Variants in PLCG1 observed in about 807,000 individuals in gnomAD.
The protein encoded by PLCG1 is phospholipase C gamma 1.
Under a neutral mutation model 177.8 loss-of-function variants are expected in PLCG1, and 71 were observed. That is an observed-to-expected ratio of 0.40 (90% CI 0.33 to 0.49). PLCG1 has a LOEUF of 0.49. PLCG1 is among the 20% of genes least tolerant of loss of function. PLCG1 has a pLI of 0.72. For synonymous variants in PLCG1, 658 were observed against 647.9 expected (o/e 1.02, Z -0.24); for missense variants, 1,281 against 1,709.0 (o/e 0.75, Z 4.42).
intron 1 of PLCG1, among the ~76,000 whole-genome samples, chr20:41,143,998 G>A (rs1245035735): frequency 1.3e-5 from 2 of 152,204 alleles, no homozygotes; most frequent in African/African-American, 4.8e-5. Context: ...ACCTGGGCTA[G>A]GAGTCTGTTT....
At position 41,172,095 on chromosome 20, in the gene PLCG1, G is replaced by A; in HGVS notation, c.2809-98G>A. ...CAGGGGAAGGTGGGAGAGGGGCCCAGAGCACCTGCAGTGTGGGCATGCCCA... is the reference window on the plus strand; with the variant it reads ...CAGGGGAAGGTGGGAGAGGGGCCCAAAGCACCTGCAGTGTGGGCATGCCCA... On this transcript the variant is annotated intron_variant, in intron 24 of 31. Coordinates refer to ENST00000685551, the MANE Select transcript of PLCG1 (RefSeq NM_002660.3). This position sits in a 1 kb window ranked among gnomAD's most constrained non-coding sequence, Gnocchi z 7.0. 1 of 869,416 alleles carries A rather than the reference G, an allele frequency of 1.2e-6. No individual in the cohort carries two copies. The highest frequency in any genetic ancestry group is 2.4e-5 in the East Asian group (1 of 41,488). The allele number at this position is 869,416 out of a possible 1,614,324, so 53.9% of individuals were successfully genotyped here. A position where few individuals can be genotyped will look rare whatever the true frequency, so the allele number is the denominator to read the frequency against.
intron 23 of PLCG1, 73 bp from the exon 24 acceptor site, chr20:41,170,039 T>C: frequency 7.3e-7 from 1 of 1,362,188 alleles, no homozygotes; most frequent in Non-Finnish European, 1.0e-6. Context: ...TTTGAGCCAG[T>C]GCCTGCGGTG....
At position 41,168,198 on chromosome 20, in the gene PLCG1, G is replaced by A. The variant is rs370343586; in HGVS notation, c.2379+269G>A. On this transcript the variant is annotated intron_variant, in intron 20 of 31. Coordinates refer to ENST00000685551, the MANE Select transcript of PLCG1 (RefSeq NM_002660.3). ...CCCTGTTTCCTTCCTGGGCAGCAGC[G>A]GGGTAGGAGCTGGGAGGCACACTGG... is the stretch of plus-strand genomic sequence containing the variant. 1.1e-4 allele frequency among the ~76,000 whole-genome samples: 17 copies of A among 152,314 alleles called. No homozygotes were observed. The South Asian group carries it at 2.7e-3, about 24-fold the overall frequency.
intron 6 of PLCG1, 107 bp downstream of exon 6, chr20:41,162,832 C>A: frequency 1.5e-6 from 2 of 1,324,374 alleles, no homozygotes; most frequent in Non-Finnish European, 2.2e-6. Flanking sequence ...CTTTTGGGTG[C>A]CATTTCTCCA....
chr20:41,164,892 T>C lies in PLCG1; in HGVS notation c.1218-41T>C, dbSNP rs368444563. 1.5e-5 allele frequency: 24 copies of C among 1,589,792 alleles called. No homozygotes were observed. Among genetic ancestry groups the C allele is most frequent in the Middle Eastern group, 1.7e-4 (1 of 5,808 alleles). On this transcript the variant is annotated intron_variant, in intron 12 of 31. Transcript: ENST00000685551. This position sits in a 1 kb window ranked among gnomAD's most constrained non-coding sequence, Gnocchi z 6.4. The stretch of plus-strand genomic sequence containing the variant: ...TGAGGGGCTACTTAGACCCAGAGAA[T>C]TGCAGAATCTGTTTCACTGTGCTTG...
intron 1 of PLCG1, among the ~76,000 whole-genome samples, chr20:41,140,259 G>A (rs773895176): frequency 1.9e-4 from 29 of 152,188 alleles, no homozygotes; most frequent in Non-Finnish European, 2.9e-4. Context: ...AAGTCTGGTC[G>A]ATGCTTGTGT....
At position 41,147,595 on chromosome 20, in the gene PLCG1, A is replaced by T. The variant is rs766136864; in HGVS notation, c.217+9737A>T. ...GCTGGGCACGGTGGCTCACGCCTGT[A>T]ATCCCAGCACTTTGGGAGGCCAAGG... On this transcript the variant is annotated intron_variant, in intron 1 of 31. Transcript: ENST00000685551. This position sits in a 1 kb window ranked among gnomAD's most constrained non-coding sequence, Gnocchi z 4.0. Among the ~76,000 whole-genome samples, 4 of 152,228 alleles carry T rather than the reference A, an allele frequency of 2.6e-5. No individual in the cohort carries two copies. Among genetic ancestry groups the T allele is most frequent in the Non-Finnish European group, 5.9e-5 (4 of 68,032 alleles).
Position 41,167,987 on chromosome 20 carries a change from T to C in PLCG1, c.2379+58T>C. Reference sequence around the variant, plus strand: ...GGGAGGGTCCCCAGCTGCTTGGGGCTTCATTTCTGTGTTCTGGGCCATCTG... The same window carrying C: ...GGGAGGGTCCCCAGCTGCTTGGGGCCTCATTTCTGTGTTCTGGGCCATCTG... On this transcript the variant is annotated intron_variant, in intron 20 of 31. Coordinates refer to ENST00000685551, the MANE Select transcript of PLCG1 (RefSeq NM_002660.3). The surrounding 1 kb of genome is among the most constrained non-coding windows in gnomAD (Gnocchi z 4.4). 8.7e-7 allele frequency: 1 copy of C among 1,153,828 alleles called. No individual in the cohort carries two copies. Among genetic ancestry groups the C allele is most frequent in the Non-Finnish European group, 1.3e-6 (1 of 764,260 alleles). The allele number at this position is 1,153,828 out of a possible 1,614,324, so 71.5% of individuals were successfully genotyped here.
At position 41,163,252 on chromosome 20, in the gene PLCG1, C is replaced by A; in HGVS notation, c.766C>A (p.Gln256Lys). The A allele has an allele frequency of 6.4e-7, 1 of 1,555,760 alleles. No individual in the cohort carries two copies. The highest frequency in any genetic ancestry group is 2.2e-5 in the East Asian group (1 of 44,466). The change falls in exon 8 of 32, where the codon CAG (glutamine) becomes AAG (lysine). Residue 256 changes from glutamine (Q) to lysine (K), a missense_variant. Gln to Lys is a moderately conservative substitution (Grantham distance 53). Coordinates refer to ENST00000685551, the MANE Select transcript of PLCG1 (RefSeq NM_002660.3). The surrounding 1 kb of genome is among the most constrained non-coding windows in gnomAD (Gnocchi z 5.2). The stretch of plus-strand genomic sequence containing the variant: ...CCGAGTGTCCCTTCCTGAGTTCCAG[C>A]AGTTCCTTCTTGACTACCAGGGGGT... ...LCRVSLPEFQQFLLDYQGELW... is the reference protein window; with the variant it reads ...LCRVSLPEFQKFLLDYQGELW...
chr20:41,166,061 C>T lies in PLCG1; in HGVS notation c.1800-133C>T. On this transcript the variant is annotated intron_variant, in intron 16 of 31. Coordinates refer to ENST00000685551, the MANE Select transcript of PLCG1 (RefSeq NM_002660.3). This position sits in a 1 kb window ranked among gnomAD's most constrained non-coding sequence, Gnocchi z 8.6. ...CCTTTGGTTCATGTGACTGCCCACA[C>T]CTGAGCTCCTCAGGAGATTGGCCTC... 1.0e-5 allele frequency: 8 copies of T among 780,638 alleles called. No homozygotes were observed. The highest frequency in any genetic ancestry group is 1.7e-5 in the African/African-American group (1 of 57,572). The allele number at this position is 780,638 out of a possible 1,614,324, so 48.4% of individuals were successfully genotyped here. A position where few individuals can be genotyped will look rare whatever the true frequency, so the allele number is the denominator to read the frequency against.
rs546465296 is a variant in PLCG1, at chr20:41,163,969, T to C, written c.1059T>C (p.Tyr353=). Reference sequence around the variant, plus strand: ...CCAGTGAGTCCTCCTTGGAAGCCTATGCTCGCTGCCTGCGGATGGGCTGTC... The same window carrying C: ...CCAGTGAGTCCTCCTTGGAAGCCTACGCTCGCTGCCTGCGGATGGGCTGTC... ...QFSSESSLEA[Y]ARCLRMGCRC... is the part of the protein sequence containing the mutation. The change falls in exon 11 of 32, where the codon TAT becomes TAC. Residue 353 remains tyrosine, a synonymous_variant. Transcript: ENST00000685551. This position sits in a 1 kb window ranked among gnomAD's most constrained non-coding sequence, Gnocchi z 5.2. 29 of 1,614,192 alleles carry C rather than the reference T, an allele frequency of 1.8e-5. No individual in the cohort carries two copies. The highest frequency in any genetic ancestry group is 3.3e-4 in the Middle Eastern group (2 of 6,062).
Position 41,166,230 on chromosome 20 carries a change from C to T in PLCG1, c.1836C>T (p.Ser612=). 1 of 1,614,016 alleles carries T rather than the reference C, an allele frequency of 6.2e-7. No homozygotes were observed. Among genetic ancestry groups the T allele is most frequent in the Admixed American group, 1.7e-5 (1 of 60,030 alleles). Residue 612 remains serine, a synonymous_variant, in exon 17 of 32, where the codon TCC becomes TCT. Transcript: ENST00000685551. This position sits in a 1 kb window ranked among gnomAD's most constrained non-coding sequence, Gnocchi z 8.6. ...AAGTCCAGCACTGCCGTATCCACTC[C>T]CGGCAAGATGCTGGGACCCCCAAGT... ...NGKVQHCRIH[S]RQDAGTPKFF...
chr20:41,175,489 C>G lies in PLCG1; in HGVS notation c.*980C>G, dbSNP rs1308353548. On this transcript the variant is annotated 3_prime_UTR_variant, in exon 32 of 32. Coordinates refer to ENST00000685551, the MANE Select transcript of PLCG1 (RefSeq NM_002660.3). ...GAAGCTGCCATCCTTGCTGCAGCTTCTAACTGGTAAAAAGATCCAGGGATG... is the reference window on the plus strand; with the variant it reads ...GAAGCTGCCATCCTTGCTGCAGCTTGTAACTGGTAAAAAGATCCAGGGATG... 6.6e-6 allele frequency: 1 copy of G among 152,330 alleles called. No homozygotes were observed. The highest frequency in any genetic ancestry group is 2.4e-5 in the African/African-American group (1 of 41,428). The allele number at this position is 152,330 out of a possible 1,614,324, so 9.4% of individuals were successfully genotyped here. A position where few individuals can be genotyped will look rare whatever the true frequency, so the allele number is the denominator to read the frequency against.
chr20:41,162,260 A>G (rs1600658421), intron 4 of PLCG1, 192 bp from the exon 5 acceptor site: 1 of 152,582 alleles, frequency 6.6e-6, no homozygotes, highest in South Asian at 2.7e-4. Flanking sequence ...TTTTTTGCTC[A>G]GATGAGGAAC....
Position 41,172,347 on chromosome 20 carries a change from A to G in PLCG1, c.2905+58A>G. ...TGCCTGGAGGGCCTGGTGGGTGCAAAAAGAGTATTTAGGTATCCCCCCAAC... is the reference window on the plus strand; with the variant it reads ...TGCCTGGAGGGCCTGGTGGGTGCAAGAAGAGTATTTAGGTATCCCCCCAAC... On this transcript the variant is annotated intron_variant, in intron 25 of 31. Coordinates refer to ENST00000685551, the MANE Select transcript of PLCG1 (RefSeq NM_002660.3). The surrounding 1 kb of genome is among the most constrained non-coding windows in gnomAD (Gnocchi z 7.0). 1.3e-6 allele frequency: 2 copies of G among 1,583,170 alleles called. No individual in the cohort carries two copies. The highest frequency in any genetic ancestry group is 1.7e-6 in the Non-Finnish European group (2 of 1,151,856).
intron 24 of PLCG1, among the ~76,000 whole-genome samples, chr20:41,171,925 GATGA>G (rs1169360034): frequency 6.6e-6 from 1 of 152,234 alleles, no homozygotes; most frequent in Non-Finnish European, 1.5e-5. Context: ...CATGGGTGGT[GATGA>G]GGAGTCTGTA....
intron 4 of PLCG1, among the ~76,000 whole-genome samples, chr20:41,161,126 G>A (rs577752564): frequency 1.3e-5 from 2 of 152,226 alleles, no homozygotes; most frequent in Admixed American, 1.3e-4. Flanking sequence ...AAAAGGGCAG[G>A]GTCCAGTGGC....
At chr20:41,155,319 A>C (rs1254335119) in intron 1 of PLCG1, among the ~76,000 whole-genome samples, 1 of 152,216 alleles carries the variant, frequency 6.6e-6, no homozygotes, top group African/African-American at 2.4e-5. Flanking sequence ...TCTGTGAGGT[A>C]GTGTGCCTAC....
rs997063995 is a variant in PLCG1 at position 41,173,404 on chromosome 20, C to T, written c.3280-16C>T. On this transcript the variant is annotated splice_polypyrimidine_tract_variant and intron_variant, in intron 27 of 31. Transcript: ENST00000685551. The surrounding 1 kb of genome is among the most constrained non-coding windows in gnomAD (Gnocchi z 6.2). ...GCAGGAAGGACAATCCCAGGCCCTT[C>T]TTTGTCTGCCTACAGGTGCTGGGGG... 4 of 1,568,116 alleles carry T rather than the reference C, an allele frequency of 2.6e-6. No individual in the cohort carries two copies. Among genetic ancestry groups the T allele is most frequent in the Non-Finnish European group, 3.5e-6 (4 of 1,156,218 alleles).
Sources: allele counts gnomAD v4.1 joint callset (sites outside exome capture counted in the v4.1 genomes callset), GRCh38; gene constraint gnomAD v4.1.1; non-coding constraint Gnocchi (gnomAD v3.1); transcripts MANE v1.5; gene names NCBI Gene and HGNC (gene_info 2026-07-23, HGNC 2026-07-21).